The following CPNE6 variants were observed in gnomAD, a reference collection of about 807,000 sequenced individuals.
CPNE6 encodes copine 6, also known as copine-6.
CPNE6 carries 33 observed loss-of-function variants against 71.5 expected under a neutral mutation model. The observed-to-expected ratio is 0.46, with a 90% confidence interval of 0.35 to 0.62. CPNE6 has a LOEUF of 0.62. CPNE6 is among the 20% of genes least tolerant of loss of function. The probability of loss-of-function intolerance (pLI) is 0.00; values close to 1 mark genes in which losing one functional copy is unlikely to be tolerated. For synonymous variants in CPNE6, 296 were observed against 293.0 expected, an observed-to-expected ratio of 1.01 and a Z score of -0.10; for missense variants, 576 against 747.3, an observed-to-expected ratio of 0.77 and a Z score of 2.67.
At chr14:24,076,228 A>G (rs2036057336) in exon 12 of CPNE6, 1 of 1,614,092 alleles carries the variant, frequency 6.2e-7, no homozygotes. Context: ...CGACAGCCCA[A>G]CCACTACCTG....
intron 2 of CPNE6, chr14:24,072,692 C>T (rs1031608475): frequency 1.0e-5 from 4 of 393,676 alleles, no homozygotes; most frequent in Non-Finnish European, 1.8e-5. Flanking sequence ...CAGCCCTCTC[C>T]AGCCCCATCC....
intron 11 of CPNE6, 74 bp from the exon 11 acceptor site, chr14:24,076,075 A>G: frequency 6.3e-7 from 1 of 1,583,664 alleles, no homozygotes. Flanking sequence ...TCCTCCCTAC[A>G]GATCCCAGCT....
chr14:24,076,319 G>T (rs1034677013), intron 12 of CPNE6, 37 bp downstream of exon 11: 17 of 1,614,134 alleles, frequency 1.1e-5, no homozygotes, highest in Non-Finnish European at 1.4e-5. Flanking sequence ...CAGGCAGGGA[G>T]GCCTTGCCCA....
chr14:24,073,437 G>T lies in CPNE6; in HGVS notation c.169-62G>T. Reference sequence around the variant, plus strand: ...GAGCTGGCATGACTAGGGCAGTCCAGGACAGGGAAAAGTATCCTCGGTTCC... The same window carrying T: ...GAGCTGGCATGACTAGGGCAGTCCATGACAGGGAAAAGTATCCTCGGTTCC... On this transcript the variant is annotated intron_variant, in intron 3 of 17. Transcript: ENST00000397016. The surrounding 1 kb of genome is among the most constrained non-coding windows in gnomAD (Gnocchi z 5.5). The T allele has an allele frequency of 6.4e-7, 1 of 1,565,042 alleles. No individual in the cohort carries two copies.
At chr14:24,071,498 T>TGCGGGG in intron 1 of CPNE6, 64 bp from the exon 1 acceptor site, 1 of 1,522,608 alleles carries the variant, frequency 6.6e-7, no homozygotes, top group Non-Finnish European at 8.8e-7. Context: ...GAGCTGGTGC[T>TGCGGGG]GCGCCCCCCC....
rs144169460 is a variant in CPNE6, at chr14:24,075,080, TC to T, written c.673-87del. On this transcript the variant is annotated intron_variant, in intron 8 of 17. Transcript: ENST00000397016. This position sits in a 1 kb window ranked among gnomAD's most constrained non-coding sequence, Gnocchi z 4.3. ...GGGCATGGAGACTCTAAGGCCCAAG[TC>T]CCCCTACTCCAAGTCCCCGAGTCCC... 5,160 of 920,766 alleles carry T rather than the reference TC, an allele frequency of 5.6e-3. 162 individuals are homozygous for T. In the African/African-American group the frequency reaches 0.073, roughly 13 times the overall value. 57.0% of individuals were successfully genotyped at this position (920,766 alleles called of 1,614,324 possible). A position where few individuals can be genotyped will look rare whatever the true frequency, so the allele number is the denominator to read the frequency against.
rs1318984734 is a variant in CPNE6 at position 24,075,822 on chromosome 14, T to C, written c.865-5T>C. 6.2e-7 allele frequency: 1 copy of C among 1,613,624 alleles called. No individual in the cohort carries two copies. Among genetic ancestry groups the C allele is most frequent in the Admixed American group, 1.7e-5 (1 of 59,982 alleles). ...CCCTCGCCTTACCCCTCTCCCTACCTCCAGGTGGAGAAGGTGCACACCTTC... is the reference window on the plus strand; with the variant it reads ...CCCTCGCCTTACCCCTCTCCCTACCCCCAGGTGGAGAAGGTGCACACCTTC... On this transcript the variant is annotated splice_region_variant and splice_polypyrimidine_tract_variant and intron_variant, in intron 10 of 17. Coordinates refer to ENST00000397016, the Ensembl canonical transcript of CPNE6. This position sits in a 1 kb window ranked among gnomAD's most constrained non-coding sequence, Gnocchi z 4.3.
intron 11 of CPNE6, 96 bp from the exon 11 acceptor site, chr14:24,076,053 C>T: frequency 6.5e-7 from 1 of 1,549,128 alleles, no homozygotes; most frequent in South Asian, 1.2e-5. Context: ...GCCTCCCCAC[C>T]ACTCATCTTA....
intron 1 of CPNE6, 61 bp from the exon 1 acceptor site, chr14:24,071,501 G>GGGGGGCCCCCCCCC: frequency 2.1e-6 from 3 of 1,416,696 alleles, no homozygotes; most frequent in Non-Finnish European, 2.8e-6. Context: ...CTGGTGCTGC[G>GGGGGGCCCCCCCCC]CCCCCCCCCA....
intron 2 of CPNE6, 169 bp from the exon 2 acceptor site, chr14:24,072,763 GC>G: frequency 1.9e-6 from 1 of 518,436 alleles, no homozygotes; most frequent in Non-Finnish European, 3.1e-6. Context: ...CAGGTCCTCT[GC>G]CCTCCCCTGC....
At chr14:24,076,857 C>T in intron 14 of CPNE6, 22 bp from the exon 14 acceptor site, 1 of 1,611,346 alleles carries the variant, frequency 6.2e-7, no homozygotes, top group Non-Finnish European at 8.5e-7. Context: ...CTGCCAGCTT[C>T]ACAACTTCTC....
chr14:24,071,501 G>GCACCC, intron 1 of CPNE6, 61 bp from the exon 1 acceptor site: 2 of 1,416,704 alleles, frequency 1.4e-6, no homozygotes, highest in South Asian at 1.3e-5. Flanking sequence ...CTGGTGCTGC[G>GCACCC]CCCCCCCCCA....
Position 24,075,656 on chromosome 14 carries a change from A to G in CPNE6, c.864+65A>G, listed in dbSNP as rs1265169471. 2 of 1,451,806 alleles carry G rather than the reference A, an allele frequency of 1.4e-6. No homozygotes were observed. Among genetic ancestry groups the G allele is most frequent in the African/African-American group, 2.8e-5 (2 of 71,312 alleles). 89.9% of individuals were successfully genotyped at this position (1,451,806 alleles called of 1,614,324 possible). The stretch of plus-strand genomic sequence containing the variant: ...TGCCCCTACCACACTCTCAGGTTCA[A>G]CCCTTCCCTTGTTTCAAAGACCAGT... On this transcript the variant is annotated intron_variant, in intron 10 of 17. Transcript: ENST00000397016. The surrounding 1 kb of genome is among the most constrained non-coding windows in gnomAD (Gnocchi z 4.3).
At chr14:24,076,277 T>C (rs374782447) in exon 12 of CPNE6, 1 of 1,614,208 alleles carries the variant, frequency 6.2e-7, no homozygotes, top group Non-Finnish European at 8.5e-7. Context: ...GCCAGGACTA[T>C]GACAGGTAGG....
rs1167158737 is a variant in CPNE6, at chr14:24,075,497, G to A, written c.778-8G>A. ...CTTGTGACCCTGAGCTTGTGGGGTGGGGTCTAGATGCAGTGGGACTGTATC... is the reference window on the plus strand; with the variant it reads ...CTTGTGACCCTGAGCTTGTGGGGTGAGGTCTAGATGCAGTGGGACTGTATC... On this transcript the variant is annotated splice_region_variant and splice_polypyrimidine_tract_variant and intron_variant, in intron 9 of 17. Transcript: ENST00000397016. This position sits in a 1 kb window ranked among gnomAD's most constrained non-coding sequence, Gnocchi z 4.3. 1.9e-6 allele frequency: 3 copies of A among 1,608,910 alleles called. No individual in the cohort carries two copies. Among genetic ancestry groups the A allele is most frequent in the Non-Finnish European group, 2.5e-6 (3 of 1,177,498 alleles).
chr14:24,076,332 G>A (rs373519360), intron 12 of CPNE6, 28 bp from the exon 12 acceptor site: 353 of 1,614,096 alleles, frequency 2.2e-4, no homozygotes, highest in Non-Finnish European at 2.7e-4. Context: ...CTTGCCCAAC[G>A]GATTCCACAG....
chr14:24,071,948 G>A (rs1410987476), intron 2 of CPNE6: 3 of 354,542 alleles, frequency 8.5e-6, no homozygotes, highest in African/African-American at 2.1e-5. Flanking sequence ...ACACCCTCCT[G>A]GAAACGGACA....
In CPNE6 at chr14:24,075,538, G is replaced by A; in HGVS notation, c.811G>A (p.Asp271Asn). The A allele has an allele frequency of 6.2e-7, 1 of 1,612,764 alleles. No individual in the cohort carries two copies. Among genetic ancestry groups the A allele is most frequent in the Non-Finnish European group, 8.5e-7 (1 of 1,179,486 alleles). ...GGACTGTATCAACCCCAAGTATCGG[G>A]ACAAGAAGAAGAATTACAAGAGCTC... Residue 271 changes from aspartate (D) to asparagine (N), a missense_variant, in exon 10 of 18, where the codon GAC becomes AAC. This residue lies in a region of CPNE6 where 214 missense variants were observed against 291.2 expected (regional missense o/e 0.73). Coordinates refer to ENST00000397016, the Ensembl canonical transcript of CPNE6. The surrounding 1 kb of genome is among the most constrained non-coding windows in gnomAD (Gnocchi z 4.3).
At position 24,077,104 on chromosome 14, in the gene CPNE6, A is replaced by G. The variant is rs117738692; in HGVS notation, c.1300-50A>G. 1,734 of 1,593,956 alleles carry G rather than the reference A, an allele frequency of 1.1e-3. 16 individuals carry two copies. The East Asian group carries it at 0.019, about 17-fold the overall frequency. The stretch of plus-strand genomic sequence containing the variant: ...CTGCACCTTGGTGGAAACGGTGTCA[A>G]CGCCCTTGCACACAAAGCCAACCCT... On this transcript the variant is annotated intron_variant, in intron 15 of 17. Transcript: ENST00000397016. The surrounding 1 kb of genome is among the most constrained non-coding windows in gnomAD (Gnocchi z 6.1).
Sources: allele counts gnomAD v4.1 joint callset, GRCh38; gene constraint gnomAD v4.1.1; regional missense constraint gnomAD v4.1.1; non-coding constraint Gnocchi (gnomAD v3.1); transcripts MANE v1.5; gene names NCBI Gene and HGNC (gene_info 2026-07-23, HGNC 2026-07-21).